EFL1: variants seen among roughly 807,000 people sequenced by gnomAD.
EFL1 encodes the protein elongation factor like GTPase 1, also known as elongation factor-like GTPase 1.
In EFL1, 76 loss-of-function variants were observed where a neutral mutation model predicts 126.7. The observed-to-expected ratio is 0.60, with a 90% CI of 0.50 to 0.73. The LOEUF (loss-of-function observed/expected upper bound fraction) is 0.73. Among genes scored for constraint, EFL1 ranks in the 30% least tolerant of loss-of-function variants. The probability of loss-of-function intolerance (pLI) is 0.00; values close to 1 mark genes in which losing one functional copy is unlikely to be tolerated. For missense variants in EFL1, 1,128 were observed against 1,343.2 expected, an observed-to-expected ratio of 0.84 and a Z score of 2.50; for synonymous variants, 410 against 448.4, an observed-to-expected ratio of 0.91 and a Z score of 1.08.
chr15:82,209,186 A>G (rs753148520), intron 15 of EFL1, among the ~76,000 whole-genome samples: 1 of 152,186 alleles, frequency 6.6e-6, no homozygotes, highest in Non-Finnish European at 1.5e-5. Flanking sequence ...AAAGTATCAC[A>G]AAGTCTTAAG....
At chr15:82,154,728 C>T (rs1235788355) in intron 17 of EFL1, among the ~76,000 whole-genome samples, 4 of 151,938 alleles carry the variant, frequency 2.6e-5, no homozygotes, top group Admixed American at 2.6e-4. Context: ...ACCATGTAAC[C>T]CCTTATACTC....
chr15:82,153,675 T>C (rs2073936991), intron 17 of EFL1, among the ~76,000 whole-genome samples: 1 of 152,162 alleles, frequency 6.6e-6, no homozygotes, highest in Admixed American at 6.6e-5. Flanking sequence ...TACTGAAAAA[T>C]GAAGTTACTC....
chr15:82,158,567 A>G (rs751595552), intron 16 of EFL1, among the ~76,000 whole-genome samples: 4 of 152,216 alleles, frequency 2.6e-5, no homozygotes, highest in Admixed American at 6.5e-5. Flanking sequence ...GCCTTAGCAG[A>G]AACCTTGGTC....
At chr15:82,191,981 T>C (rs2074364728) in intron 15 of EFL1, among the ~76,000 whole-genome samples, 1 of 152,206 alleles carries the variant, frequency 6.6e-6, no homozygotes, top group South Asian at 2.1e-4. Context: ...TAATATCTGC[T>C]ATTATATCTC....
rs372574913 is a variant in EFL1, at chr15:82,227,537, T to C, written c.1105A>G (p.Ile369Val). 1 of 1,614,172 alleles carries C rather than the reference T, an allele frequency of 6.2e-7. No homozygotes were observed. The highest frequency in any genetic ancestry group is 1.3e-5 in the African/African-American group (1 of 75,052). Residue 369 changes from isoleucine (I) to valine (V), a missense_variant, in exon 11 of 20, where the codon ATT becomes GTT. This residue lies in a region of EFL1 where 316 missense variants were observed against 318.5 expected (regional missense o/e 0.99). Transcript: ENST00000268206. ...AGTCTCTCCACTCTCTCAGCTGTAA[T>C]ATCAAGGGGACTAGGAAGTTTCTGA... is the stretch of plus-strand genomic sequence containing the variant. ...VCQKLPSPLD[I>V]TAERVERLMC...
At position 82,252,698 on chromosome 15, in the gene EFL1, A is replaced by G; in HGVS notation, c.237T>C (p.Tyr79=). Residue 79 remains tyrosine, a synonymous_variant, in exon 4 of 20, where the codon TAT becomes TAC. Coordinates refer to ENST00000268206, the MANE Select transcript of EFL1 (RefSeq NM_024580.6). The part of the protein sequence containing the change: ...TMKSSAISLH[Y]ATGNEEYLIN... ...AAACACAGACTGATTTACCTGTTGC[A>G]TAATGTAGGGAAATGGCACTGGATT... 2 of 1,612,228 alleles carry G rather than the reference A, an allele frequency of 1.2e-6. No individual in the cohort carries two copies. Among genetic ancestry groups the G allele is most frequent in the Non-Finnish European group, 1.7e-6 (2 of 1,178,296 alleles).
intron 18 of EFL1, among the ~76,000 whole-genome samples, chr15:82,148,771 A>T (rs961444366): frequency 1.3e-5 from 2 of 152,204 alleles, no homozygotes; most frequent in Non-Finnish European, 2.9e-5. Context: ...TAGGTGCCAG[A>T]CTATAGGAAA....
At chr15:82,160,538 T>A (rs774548547) in intron 16 of EFL1, among the ~76,000 whole-genome samples, 22 of 152,282 alleles carry the variant, frequency 1.4e-4, no homozygotes, top group Middle Eastern at 3.4e-3. Context: ...ACAAATAAAA[T>A]TAGGTATTTG....
intron 6 of EFL1, 117 bp from the exon 7 acceptor site, chr15:82,238,638 A>G (rs1242638422): frequency 2.4e-6 from 2 of 824,358 alleles, no homozygotes; most frequent in East Asian, 5.3e-5. Context: ...GGGCTCATTA[A>G]GCATACATGA....
At chr15:82,222,078 T>C (rs916237287) in intron 12 of EFL1, among the ~76,000 whole-genome samples, 7 of 152,226 alleles carry the variant, frequency 4.6e-5, no homozygotes, top group Admixed American at 3.3e-4. Context: ...ACATTTTTAT[T>C]ATTAGAGTAG....
rs879379483 is a variant in EFL1 at position 82,152,665 on chromosome 15, CT to C, written c.2031-243del. Among the ~76,000 whole-genome samples, 176 of 144,896 alleles carry C rather than the reference CT, an allele frequency of 1.2e-3. 1 individual carries two copies. The highest frequency in any genetic ancestry group is 3.8e-3 in the Admixed American group (55 of 14,456). On this transcript the variant is annotated intron_variant, in intron 17 of 19. Transcript: ENST00000268206. ...AATCCTTGCATGTACTGGAATTTCA[CT>C]TTTTTTTTTTTCATTTTCAAGATAT...
At chr15:82,165,172 G>A (rs1377776042) in intron 15 of EFL1, among the ~76,000 whole-genome samples, 1 of 152,092 alleles carries the variant, frequency 6.6e-6, no homozygotes, top group Non-Finnish European at 1.5e-5. Flanking sequence ...GAGAGGTTGA[G>A]GTGGGAGGAT....
chr15:82,166,293 T>C (rs2074079278), intron 15 of EFL1, among the ~76,000 whole-genome samples: 1 of 152,222 alleles, frequency 6.6e-6, no homozygotes, highest in South Asian at 2.1e-4. Context: ...GTTTACATTT[T>C]GCTGTTCCAA....
At chr15:82,220,271 C>G in intron 12 of EFL1, 42 bp from the exon 13 acceptor site, 1 of 1,533,036 alleles carries the variant, frequency 6.5e-7, no homozygotes. Context: ...TCAGTTCATC[C>G]AAGTAGGGAA....
intron 18 of EFL1, among the ~76,000 whole-genome samples, chr15:82,144,560 T>G (rs2073822494): frequency 6.6e-6 from 1 of 152,230 alleles, no homozygotes; most frequent in Non-Finnish European, 1.5e-5. Context: ...CTTTATATAA[T>G]TAAGCTTTGT....
chr15:82,138,790 T>C lies in EFL1; in HGVS notation c.3042A>G (p.Glu1014=), dbSNP rs1414076793. Residue 1014 remains glutamate (E), a synonymous_variant, in exon 19 of 20, where the codon GAA becomes GAG. Coordinates refer to ENST00000268206, the MANE Select transcript of EFL1 (RefSeq NM_024580.6). ...TGAACATGTCTGTCCCTTCTTTCAT[T>C]TCTTCTTGAAGTACCCGACCTTCTC... The part of the protein sequence containing the change: ...SKREGRVLQE[E]MKEGTDMFII... The C allele has an allele frequency of 1.4e-5, 22 of 1,613,844 alleles. No homozygotes were observed. Among genetic ancestry groups the C allele is most frequent in the Non-Finnish European group, 1.9e-5 (22 of 1,179,904 alleles).
intron 15 of EFL1, among the ~76,000 whole-genome samples, chr15:82,167,194 G>A (rs907804131): frequency 6.6e-6 from 1 of 152,132 alleles, no homozygotes; most frequent in Non-Finnish European, 1.5e-5. Context: ...TTTACTAGAT[G>A]CCAAGAATTC....
chr15:82,252,541 G>A, intron 4 of EFL1, 150 bp downstream of exon 4: 3 of 649,780 alleles, frequency 4.6e-6, no homozygotes, highest in Non-Finnish European at 8.1e-6. Flanking sequence ...AGCCTGGACA[G>A]CCTGACTCTG....
At chr15:82,248,293 C>T (rs1025715352) in intron 4 of EFL1, among the ~76,000 whole-genome samples, 2 of 152,050 alleles carry the variant, frequency 1.3e-5, no homozygotes, top group African/African-American at 2.4e-5. Context: ...GGTAATGGAA[C>T]TCTTCCCTCC....
Sources: gnomAD v4.1 joint callset for allele counts (sites outside exome capture counted in the v4.1 genomes callset) on GRCh38, gnomAD v4.1.1 for gene constraint, gnomAD v4.1.1 regional missense constraint, MANE v1.5 for transcripts, NCBI Gene and HGNC (gene_info 2026-07-23, HGNC 2026-07-21) for gene names.